Variants in RPAP3 observed in about 807,000 individuals in gnomAD.
The protein encoded by RPAP3 is RNA polymerase II associated protein 3.
In RPAP3, 58 loss-of-function variants were observed where a neutral mutation model predicts 88.8. The observed-to-expected ratio is 0.65, with a 90% CI of 0.53 to 0.81. The LOEUF (loss-of-function observed/expected upper bound fraction) is 0.81. RPAP3 is among the 40% of genes least tolerant of loss of function. The pLI, the probability that RPAP3 is intolerant of heterozygous loss-of-function variation, is 0.00. For missense variants in RPAP3, 751 were observed against 764.3 expected, an observed-to-expected ratio of 0.98 and a Z score of 0.20; for synonymous variants, 255 against 259.9, an observed-to-expected ratio of 0.98 and a Z score of 0.18.
At chr12:47,687,781 T>C in intron 8 of RPAP3, 95 bp downstream of exon 8, 3 of 1,397,152 alleles carry the variant, frequency 2.1e-6, no homozygotes, top group East Asian at 5.0e-5. Context: ...AGCAAAACTT[T>C]AATATTAGAG....
intron 15 of RPAP3, 37 bp downstream of exon 15, chr12:47,667,717 G>A (rs936103197): frequency 1.2e-5 from 14 of 1,128,226 alleles, no homozygotes; most frequent in Non-Finnish European, 1.6e-5. Context: ...AACATTAAGT[G>A]AGGACTTACT....
In RPAP3 at chr12:47,661,711, G is replaced by A. The variant is rs1938762724; in HGVS notation, c.*1794C>T. ...TAACACAACATAAAAACTGCAGCTGGAAGTAGTTCAAATAGCTCTACATTA... is the reference window on the plus strand; with the variant it reads ...TAACACAACATAAAAACTGCAGCTGAAAGTAGTTCAAATAGCTCTACATTA... On this transcript the variant is annotated 3_prime_UTR_variant, in exon 17 of 17. Coordinates refer to ENST00000005386, the MANE Select transcript of RPAP3 (RefSeq NM_024604.3). 1 of 152,144 alleles carries A rather than the reference G, an allele frequency of 6.6e-6. No individual in the cohort carries two copies. The highest frequency in any genetic ancestry group is 2.1e-4 in the South Asian group (1 of 4,828). The allele number at this position is 152,144 out of a possible 1,614,324, so 9.4% of individuals were successfully genotyped here.
At chr12:47,676,209 C>T (rs1592472314) in intron 12 of RPAP3, among the ~76,000 whole-genome samples, 1 of 152,164 alleles carries the variant, frequency 6.6e-6, no homozygotes, top group Admixed American at 6.5e-5. Flanking sequence ...AGAACAAAGA[C>T]ACAACGTACC....
At chr12:47,685,639 G>A (rs1939308093) in intron 9 of RPAP3, among the ~76,000 whole-genome samples, 1 of 152,184 alleles carries the variant, frequency 6.6e-6, no homozygotes, top group Non-Finnish European at 1.5e-5. Flanking sequence ...CATCTACGTT[G>A]CTTCAGGTAT....
At chr12:47,684,906 A>T (rs529516496) in intron 9 of RPAP3, among the ~76,000 whole-genome samples, 92 of 152,348 alleles carry the variant, frequency 6.0e-4, no homozygotes, top group African/African-American at 2.1e-3. Flanking sequence ...ATGAGGTTAA[A>T]TATATAATCA....
At chr12:47,705,596 CACCCG>C (rs1484830640) in intron 1 of RPAP3, among the ~76,000 whole-genome samples, 1 of 152,198 alleles carries the variant, frequency 6.6e-6, no homozygotes, top group African/African-American at 2.4e-5. Flanking sequence ...ATCACTTTCA[CACCCG>C]CTGTCCCGGC....
At chr12:47,684,425 T>G (rs537174097) in intron 9 of RPAP3, among the ~76,000 whole-genome samples, 90 of 152,308 alleles carry the variant, frequency 5.9e-4, no homozygotes, top group African/African-American at 2.1e-3. Context: ...TATAGGATGG[T>G]TACCTAAACT....
At chr12:47,665,413 G>A (rs1037295833) in intron 16 of RPAP3, among the ~76,000 whole-genome samples, 1 of 151,130 alleles carries the variant, frequency 6.6e-6, no homozygotes, top group African/African-American at 2.4e-5. Context: ...CACTGCACCC[G>A]CCTGACAGTT....
chr12:47,669,081 C>T lies in RPAP3; in HGVS notation c.1548G>A (p.Gln516=), dbSNP rs373730556. 4.3e-6 allele frequency: 7 copies of T among 1,613,362 alleles called. No homozygotes were observed. The highest frequency in any genetic ancestry group is 2.7e-5 in the African/African-American group (2 of 74,896). ...TCTCGCTGTAAGACTGACATACATC[C>T]TGCTTCAAACTGGCTTGAGGTCTGA... The part of the protein sequence containing the change: ...SSLQPQASLK[Q]DVCQSYSEKM... The change falls in exon 14 of 17, where the codon CAG becomes CAA. Residue 516 remains glutamine, a synonymous_variant. Coordinates refer to ENST00000005386, the MANE Select transcript of RPAP3 (RefSeq NM_024604.3).
At chr12:47,679,615 CCTAA>C (rs767042147) in intron 11 of RPAP3, 21 bp from the exon 12 acceptor site, 42 of 1,542,702 alleles carry the variant, frequency 2.7e-5, no homozygotes, top group Non-Finnish European at 3.5e-5. Context: ...AATTTATAAC[CCTAA>C]CTTTCAAAAT....
intron 12 of RPAP3, among the ~76,000 whole-genome samples, chr12:47,679,235 C>T (rs1473259790): frequency 6.6e-6 from 1 of 152,142 alleles, no homozygotes; most frequent in East Asian, 1.9e-4. Flanking sequence ...ACATCACACA[C>T]TGGGACCTGT....
In RPAP3 at chr12:47,667,096, T is replaced by C. The variant is rs772850516; in HGVS notation, c.1812-16A>G. The C allele has an allele frequency of 4.1e-6, 5 of 1,209,662 alleles. No individual in the cohort carries two copies. The Admixed American group carries it at 1.1e-4, about 27-fold the overall frequency. The allele number at this position is 1,209,662 out of a possible 1,614,324, so 74.9% of individuals were successfully genotyped here. A position where few individuals can be genotyped will look rare whatever the true frequency, so the allele number is the denominator to read the frequency against. On this transcript the variant is annotated splice_polypyrimidine_tract_variant and intron_variant, in intron 15 of 16. Coordinates refer to ENST00000005386, the MANE Select transcript of RPAP3 (RefSeq NM_024604.3). The stretch of plus-strand genomic sequence containing the variant: ...CTTTTCTTTCCTGAAATAATCCAAA[T>C]ATAGAAACAAATGATCAGTTAAAAG...
At chr12:47,697,746 G>T in intron 3 of RPAP3, 27 bp from the exon 4 acceptor site, 1 of 1,517,282 alleles carries the variant, frequency 6.6e-7, no homozygotes, top group Non-Finnish European at 8.9e-7. Flanking sequence ...GAAAACAGGG[G>T]TCATAATTAT....
intron 12 of RPAP3, among the ~76,000 whole-genome samples, chr12:47,675,677 T>A (rs999354758): frequency 6.6e-6 from 1 of 152,098 alleles, no homozygotes; most frequent in Non-Finnish European, 1.5e-5. Flanking sequence ...AAGGGATCAA[T>A]TCAACAAGAA....
intron 5 of RPAP3, among the ~76,000 whole-genome samples, chr12:47,694,219 G>C (rs971001966): frequency 6.6e-5 from 10 of 152,122 alleles, no homozygotes; most frequent in Middle Eastern, 3.2e-3. Context: ...GTGTGGAATG[G>C]ATGTAAGGAC....
chr12:47,698,807 G>A (rs919825005), intron 3 of RPAP3, among the ~76,000 whole-genome samples: 6 of 152,006 alleles, frequency 3.9e-5, no homozygotes, highest in South Asian at 2.1e-4. Context: ...CCACCGTGAC[G>A]ACCATTAGAG....
intron 10 of RPAP3, among the ~76,000 whole-genome samples, chr12:47,680,525 G>GATTTTAA (rs1334635075): frequency 7.9e-5 from 12 of 152,152 alleles, no homozygotes; most frequent in Non-Finnish European, 1.5e-4. Flanking sequence ...GAAACTGCCA[G>GATTTTAA]ATTTTAAATG....
intron 5 of RPAP3, among the ~76,000 whole-genome samples, 192 bp from the exon 6 acceptor site, chr12:47,690,831 A>G (rs564715666): frequency 1.3e-5 from 2 of 152,326 alleles, no homozygotes; most frequent in African/African-American, 4.8e-5. Context: ...TGTGGGTTTG[A>G]TTCTAGACCA....
At chr12:47,664,155 C>T (rs906693085) in intron 16 of RPAP3, among the ~76,000 whole-genome samples, 10 of 152,088 alleles carry the variant, frequency 6.6e-5, no homozygotes, top group Non-Finnish European at 8.8e-5. Flanking sequence ...TTTGGGAGGC[C>T]GAGGCAGGCG....
Sources: gnomAD v4.1 joint callset for allele counts (sites outside exome capture counted in the v4.1 genomes callset) on GRCh38, gnomAD v4.1.1 for gene constraint, MANE v1.5 for transcripts, NCBI Gene and HGNC (gene_info 2026-07-23, HGNC 2026-07-21) for gene names.